The following EFCAB6 variants were observed in gnomAD, a reference collection of about 807,000 sequenced individuals.
The protein encoded by EFCAB6 is EF-hand calcium-binding domain-containing protein 6.
In EFCAB6, 156 loss-of-function variants were observed where a neutral mutation model predicts 169.8. The observed-to-expected ratio is 0.92, with a 90% CI of 0.81 to 1.05. The LOEUF (loss-of-function observed/expected upper bound fraction) is 1.05, where lower values mean the gene tolerates loss of function less well. Ranked by LOEUF, EFCAB6 falls within the 50% of genes least tolerant of loss-of-function variation. EFCAB6 has a pLI of 0.00. For synonymous variants in EFCAB6, 698 were observed against 676.4 expected, an observed-to-expected ratio of 1.03 and a Z score of -0.50; for missense variants, 1,800 against 1,829.1, an observed-to-expected ratio of 0.98 and a Z score of 0.29.
rs201308046 is a variant in EFCAB6, at chr22:43,626,464, C to T, written c.2448G>A (p.Ala816=). The change falls in exon 20 of 32, where the codon GCG becomes GCA. Residue 816 remains alanine, a synonymous_variant. Transcript: ENST00000262726. The part of the protein sequence containing the change: ...CEKRPWRTDE[A]PQRLIRPKQK... ...CTTCTTACCTAATGAGTCTTTGAGG[C>T]GCTTCATCTGTTCTCCATGGTCTCT... The T allele has an allele frequency of 1.9e-5, 31 of 1,614,000 alleles. No homozygotes were observed. The highest frequency in any genetic ancestry group is 6.7e-5 in the African/African-American group (5 of 74,902).
At chr22:43,701,852 T>C (rs1409571693) in intron 10 of EFCAB6, among the ~76,000 whole-genome samples, 1 of 152,046 alleles carries the variant, frequency 6.6e-6, no homozygotes, top group Non-Finnish European at 1.5e-5. Context: ...TGTTAAAATG[T>C]AAACTTCAAA....
intron 26 of EFCAB6, among the ~76,000 whole-genome samples, chr22:43,556,821 T>C (rs1286406770): frequency 6.6e-6 from 1 of 152,218 alleles, no homozygotes; most frequent in Non-Finnish European, 1.5e-5. Context: ...ACATCTTCAT[T>C]TGGAGCCATT....
intron 1 of EFCAB6, among the ~76,000 whole-genome samples, chr22:43,810,968 G>T (rs1300451981): frequency 2.0e-5 from 3 of 152,132 alleles, no homozygotes; most frequent in African/African-American, 7.2e-5. Flanking sequence ...ATGAACTGTA[G>T]TGTATGAAAG....
At chr22:43,677,416 GGCAA>G (rs2057807631) in intron 13 of EFCAB6, among the ~76,000 whole-genome samples, 1 of 152,136 alleles carries the variant, frequency 6.6e-6, no homozygotes, top group Admixed American at 6.5e-5. Context: ...GGGAGGCCGA[GGCAA>G]GTGGATCACG....
chr22:43,696,512 T>G, intron 10 of EFCAB6, among the ~76,000 whole-genome samples: 1 of 152,194 alleles, frequency 6.6e-6, no homozygotes, highest in Non-Finnish European at 1.5e-5. Context: ...TAGCAGTATC[T>G]TCTGTAATTA....
chr22:43,734,542 T>C (rs945859663), intron 7 of EFCAB6, among the ~76,000 whole-genome samples: 2 of 152,220 alleles, frequency 1.3e-5, no homozygotes. Context: ...ACAAGGTTTA[T>C]TGTCAAATAA....
Position 43,626,664 on chromosome 22 carries a change from A to G in EFCAB6, c.2248T>C (p.Phe750Leu), listed in dbSNP as rs763067221. The change falls in exon 20 of 32, where the codon TTC becomes CTC. Residue 750 changes from phenylalanine (F) to leucine (L), a missense_variant. By Grantham distance (22) the Phe-to-Leu change is conservative. Coordinates refer to ENST00000262726, the MANE Select transcript of EFCAB6 (RefSeq NM_022785.4). The stretch of plus-strand genomic sequence containing the variant: ...TCCCTGTCAGCATCTGTTTTAAAGA[A>G]GGCAGAGTAGGGGTCCTAAAAACAA... The part of the protein sequence containing the change: ...KESFRDPYSA[F>L]FKTDADRDGI... 1 of 1,614,200 alleles carries G rather than the reference A, an allele frequency of 6.2e-7. No individual in the cohort carries two copies. Among genetic ancestry groups the G allele is most frequent in the Non-Finnish European group, 8.5e-7 (1 of 1,180,038 alleles).
At chr22:43,532,928 G>A (rs1046679789) in intron 30 of EFCAB6, among the ~76,000 whole-genome samples, 1 of 152,232 alleles carries the variant, frequency 6.6e-6, no homozygotes, top group African/African-American at 2.4e-5. Context: ...TCCCCAAATC[G>A]ACAGCACCAG....
At chr22:43,546,206 T>C (rs1023856333) in intron 27 of EFCAB6, among the ~76,000 whole-genome samples, 2 of 152,138 alleles carry the variant, frequency 1.3e-5, no homozygotes, top group Non-Finnish European at 2.9e-5. Context: ...AACAAACACA[T>C]ACACTTCCTT....
intron 31 of EFCAB6, among the ~76,000 whole-genome samples, chr22:43,529,878 GA>G (rs2046954694): frequency 6.6e-6 from 1 of 152,216 alleles, no homozygotes; most frequent in South Asian, 2.1e-4. Flanking sequence ...ATGTGAAGCT[GA>G]AACAAATCCT....
intron 22 of EFCAB6, among the ~76,000 whole-genome samples, chr22:43,603,818 G>A (rs1200607598): frequency 2.0e-5 from 3 of 152,210 alleles, no homozygotes; most frequent in African/African-American, 7.2e-5. Context: ...CTGCTCTTTA[G>A]AAATGAAAGT....
Position 43,633,876 on chromosome 22 carries a change from C to T in EFCAB6, c.2098+1226G>A, listed in dbSNP as rs183237171. On this transcript the variant is annotated intron_variant, in intron 18 of 31. Transcript: ENST00000262726. ...CTGCCTGGCAGATAAACACCCCCAC[C>T]CCACCGCCTGACCCCTCTGCCACAT... 3.0e-3 allele frequency among the ~76,000 whole-genome samples: 459 copies of T among 152,316 alleles called. 3 individuals are homozygous for T. In the Middle Eastern group the frequency reaches 0.034, roughly 11 times the overall value.
chr22:43,777,627 C>G (rs2061682157), intron 3 of EFCAB6, among the ~76,000 whole-genome samples: 1 of 152,212 alleles, frequency 6.6e-6, no homozygotes, highest in Admixed American at 6.5e-5. Flanking sequence ...GAACATCCTC[C>G]TCCTGCCCCC....
chr22:43,598,000 T>A (rs1269434256), intron 23 of EFCAB6, among the ~76,000 whole-genome samples: 1 of 152,068 alleles, frequency 6.6e-6, no homozygotes, highest in Non-Finnish European at 1.5e-5. Context: ...ACGTTCTCAT[T>A]CATATGTGGG....
At chr22:43,716,357 T>A (rs771334732) in intron 9 of EFCAB6, among the ~76,000 whole-genome samples, 3 of 152,190 alleles carry the variant, frequency 2.0e-5, no homozygotes, top group Non-Finnish European at 2.9e-5. Context: ...CCCCTTTAAA[T>A]CCATTTGAAT....
chr22:43,607,117 C>T (rs1229301855), intron 22 of EFCAB6, among the ~76,000 whole-genome samples: 3 of 152,170 alleles, frequency 2.0e-5, no homozygotes, highest in African/African-American at 7.2e-5. Context: ...TCAATAACAC[C>T]AGAAAGCTAG....
chr22:43,535,081 T>A, intron 29 of EFCAB6: 1 of 570,004 alleles, frequency 1.8e-6, no homozygotes, highest in East Asian at 3.0e-5. Flanking sequence ...TGAGTCCCGC[T>A]GGCCCACACT....
chr22:43,757,764 T>C (rs1313232695), intron 5 of EFCAB6, among the ~76,000 whole-genome samples: 4 of 152,146 alleles, frequency 2.6e-5, no homozygotes. Context: ...TGCTTCAGCC[T>C]GCTTCCCTTT....
chr22:43,741,393 T>G (rs2060365052), intron 6 of EFCAB6, among the ~76,000 whole-genome samples: 1 of 152,198 alleles, frequency 6.6e-6, no homozygotes, highest in African/African-American at 2.4e-5. Context: ...GCACCAAGCT[T>G]GCTCATGCCT....
Sources: gnomAD v4.1 joint callset for allele counts (sites outside exome capture counted in the v4.1 genomes callset) on GRCh38, gnomAD v4.1.1 for gene constraint, MANE v1.5 for transcripts, NCBI Gene and HGNC (gene_info 2026-07-23, HGNC 2026-07-21) for gene names.